RELN: variants seen among roughly 807,000 people sequenced by gnomAD.
RELN encodes reelin.
RELN carries 108 observed loss-of-function variants against 427.6 expected under a neutral mutation model. That is an observed-to-expected ratio of 0.25 (90% confidence interval 0.22 to 0.30). The LOEUF (loss-of-function observed/expected upper bound fraction) is 0.30. Among genes scored for constraint, RELN ranks in the 10% least tolerant of loss-of-function variants. The pLI, the probability that RELN is intolerant of heterozygous loss-of-function variation, is 1.00. For synonymous variants in RELN, 1,524 were observed against 1,513.4 expected, an observed-to-expected ratio of 1.01 and a Z score of -0.16; for missense variants, 3,715 against 4,302.8, an observed-to-expected ratio of 0.86 and a Z score of 3.82.
rs2117412664 is a variant in RELN, at chr7:103,661,402, C to T, written c.1415G>A (p.Gly472Glu). 1.9e-6 allele frequency: 3 copies of T among 1,613,890 alleles called. No individual in the cohort carries two copies. The highest frequency in any genetic ancestry group is 2.5e-6 in the Non-Finnish European group (3 of 1,179,900). ...CTPSMDTTGY[G>E]NLRFYFVMGG... ...CATCACAAAGTAAAACCTCAGGTTCCCATAACCGGTAGTGTCCATGGATGG... is the reference window on the plus strand; with the variant it reads ...CATCACAAAGTAAAACCTCAGGTTCTCATAACCGGTAGTGTCCATGGATGG... The change falls in exon 12 of 65, where the codon GGG (glycine) becomes GAG (glutamate). Residue 472 changes from glycine (G) to glutamate (E), a missense_variant. Gly to Glu is a moderately conservative substitution (Grantham distance 98, BLOSUM62 -2). Coordinates refer to ENST00000428762, the MANE Select transcript of RELN (RefSeq NM_005045.4).
chr7:103,892,862 T>C (rs1386165149), intron 2 of RELN, among the ~76,000 whole-genome samples: 1 of 152,164 alleles, frequency 6.6e-6, no homozygotes, highest in Non-Finnish European at 1.5e-5. Flanking sequence ...TCTTTCAGAA[T>C]ATACCTATGA....
In RELN at chr7:103,766,005, G is replaced by A. The variant is rs1345880886; in HGVS notation, c.544+10552C>T. Among the ~76,000 whole-genome samples, 13 of 152,326 alleles carry A rather than the reference G, an allele frequency of 8.5e-5. 1 individual carries two copies. The highest frequency in any genetic ancestry group is 2.6e-4 in the African/African-American group (11 of 41,578). On this transcript the variant is annotated intron_variant, in intron 4 of 64. Coordinates refer to ENST00000428762, the MANE Select transcript of RELN (RefSeq NM_005045.4). ...TAGCAAGAAATTTTACTATGGTCAT[G>A]TGAATCAGCTCTTTGTCATTCCCCT...
At chr7:103,888,837 G>A (rs941697803) in intron 2 of RELN, among the ~76,000 whole-genome samples, 3 of 152,098 alleles carry the variant, frequency 2.0e-5, no homozygotes, top group African/African-American at 7.2e-5. Context: ...ACAACACTGC[G>A]AGGCAGCACT....
intron 12 of RELN, among the ~76,000 whole-genome samples, chr7:103,658,894 G>A (rs1833078659): frequency 1.3e-5 from 2 of 151,342 alleles, no homozygotes; most frequent in South Asian, 4.2e-4. Context: ...CCTCCTGTAG[G>A]CTCCAATGAC....
At chr7:103,783,299 T>A (rs1791940812) in intron 3 of RELN, among the ~76,000 whole-genome samples, 1 of 151,832 alleles carries the variant, frequency 6.6e-6, no homozygotes, top group Non-Finnish European at 1.5e-5. Context: ...GCATTCTAAT[T>A]TGGGGATATA....
At chr7:103,805,577 G>A (rs1275109151) in intron 3 of RELN, among the ~76,000 whole-genome samples, 1 of 152,108 alleles carries the variant, frequency 6.6e-6, no homozygotes, top group Non-Finnish European at 1.5e-5. Context: ...AAATCCTCCT[G>A]AATCCTCCAG....
intron 10 of RELN, among the ~76,000 whole-genome samples, chr7:103,683,908 C>T (rs1188771511): frequency 6.6e-6 from 1 of 152,078 alleles, no homozygotes; most frequent in African/African-American, 2.4e-5. Flanking sequence ...TGCACAGAAC[C>T]CACACAGCTA....
intron 3 of RELN, among the ~76,000 whole-genome samples, chr7:103,785,054 G>T (rs1159198014): frequency 6.6e-6 from 1 of 152,106 alleles, no homozygotes; most frequent in Non-Finnish European, 1.5e-5. Flanking sequence ...ATTTATCTTG[G>T]AAATCAGTTA....
At position 103,934,216 on chromosome 7, in the gene RELN, T is replaced by C. The variant is rs180765112; in HGVS notation, c.227-17031A>G. ...AAATTTGATATTCACTCTGTGTATC[T>C]TTCCCACTGTGGTTGTTTCTACTTT... On this transcript the variant is annotated intron_variant, in intron 1 of 64. Coordinates refer to ENST00000428762, the MANE Select transcript of RELN (RefSeq NM_005045.4). Among the ~76,000 whole-genome samples the C allele has an allele frequency of 1.6e-3, 243 of 152,344 alleles. 1 individual carries two copies. The highest frequency in any genetic ancestry group is 5.5e-3 in the African/African-American group (229 of 41,586).
rs185057129 is a variant in RELN at position 103,791,748 on chromosome 7, T to A, written c.474-15121A>T. On this transcript the variant is annotated intron_variant, in intron 3 of 64. Transcript: ENST00000428762. Reference sequence around the variant, plus strand: ...ATAGAACTTTATCAAAATTAAAACCTTTGTGCAACAAAGGATACCATTTAA... The same window carrying A: ...ATAGAACTTTATCAAAATTAAAACCATTGTGCAACAAAGGATACCATTTAA... 1.4e-3 allele frequency among the ~76,000 whole-genome samples: 202 copies of A among 149,268 alleles called. 1 individual carries two copies. Among genetic ancestry groups the A allele is most frequent in the African/African-American group, 4.8e-3 (195 of 40,286 alleles).
At position 103,561,624 on chromosome 7, in the gene RELN, G is replaced by A. The variant is rs1830643479; in HGVS notation, c.5437C>T (p.His1813Tyr). The A allele has an allele frequency of 6.2e-7, 1 of 1,613,790 alleles. No homozygotes were observed. The highest frequency in any genetic ancestry group is 1.3e-5 in the African/African-American group (1 of 74,880). ...ILKDDFNGNLHPDLWPEVYGA... is the reference protein window; with the variant it reads ...ILKDDFNGNLYPDLWPEVYGA... ...TACACTTCAGGCCAAAGGTCAGGAT[G>A]TAAATTCCCATTGAAATCGTCTTTA... Residue 1813 changes from histidine to tyrosine, a missense_variant, in exon 36 of 65, where the codon CAT becomes TAT. Transcript: ENST00000428762.
chr7:103,947,459 A>T (rs1796243344), intron 1 of RELN, among the ~76,000 whole-genome samples: 1 of 152,208 alleles, frequency 6.6e-6, no homozygotes, highest in Admixed American at 6.5e-5. Flanking sequence ...AATGACAGAC[A>T]TGCATAAAAG....
intron 2 of RELN, among the ~76,000 whole-genome samples, chr7:103,912,610 C>G (rs1795394952): frequency 6.6e-6 from 1 of 151,994 alleles, no homozygotes; most frequent in Non-Finnish European, 1.5e-5. Context: ...GATGTATTAG[C>G]TGAGCAAGAT....
chr7:103,661,708 T>C (rs966410891), intron 11 of RELN, among the ~76,000 whole-genome samples, 181 bp from the exon 12 acceptor site: 1 of 152,218 alleles, frequency 6.6e-6, no homozygotes, highest in Non-Finnish European at 1.5e-5. Context: ...AGGTAGTGAA[T>C]ACACTTTAAA....
chr7:103,561,617 T>A lies in RELN; in HGVS notation c.5444A>T (p.Asp1815Val). Residue 1815 changes from aspartate to valine, a missense_variant, in exon 36 of 65, where the codon GAC (aspartate) becomes GTC (valine). By Grantham distance (152) the Asp-to-Val change is radical. Coordinates refer to ENST00000428762, the MANE Select transcript of RELN (RefSeq NM_005045.4). ...TGCACCATACACTTCAGGCCAAAGGTCAGGATGTAAATTCCCATTGAAATC... is the reference window on the plus strand; with the variant it reads ...TGCACCATACACTTCAGGCCAAAGGACAGGATGTAAATTCCCATTGAAATC... ...KDDFNGNLHPDLWPEVYGAER... is the reference protein window; with the variant it reads ...KDDFNGNLHPVLWPEVYGAER... 5.6e-6 allele frequency: 9 copies of A among 1,613,730 alleles called. No individual in the cohort carries two copies. Among genetic ancestry groups the A allele is most frequent in the Non-Finnish European group, 7.6e-6 (9 of 1,179,806 alleles).
chr7:103,901,173 T>C (rs1418858786), intron 2 of RELN, among the ~76,000 whole-genome samples: 1 of 152,044 alleles, frequency 6.6e-6, no homozygotes, highest in Non-Finnish European at 1.5e-5. Context: ...TCATTAATCA[T>C]TAGGGAATTG....
intron 57 of RELN, among the ~76,000 whole-genome samples, chr7:103,492,466 T>G (rs2117008773): frequency 6.6e-6 from 1 of 152,328 alleles, no homozygotes; most frequent in South Asian, 2.1e-4. Context: ...TTCTTGGGGT[T>G]TTCTGTATTT....
At position 103,545,300 on chromosome 7, in the gene RELN, G is replaced by A. The variant is rs1238847930; in HGVS notation, c.6347C>T (p.Ser2116Phe). ...ATCAATGGCCCATGTCACTGGCTGA[G>A]AGCCGGCAGGGTAAAATCCCTGGTA... Reference protein sequence around the residue: ...RWYQGFYPAGSQPVTWAIDNV... With the variant: ...RWYQGFYPAGFQPVTWAIDNV... Residue 2116 changes from serine to phenylalanine, a missense_variant, in exon 42 of 65, where the codon TCT becomes TTT. Transcript: ENST00000428762. The A allele has an allele frequency of 1.2e-6, 2 of 1,614,146 alleles. No individual in the cohort carries two copies. The highest frequency in any genetic ancestry group is 1.6e-4 in the Middle Eastern group (1 of 6,062).
At chr7:103,745,922 A>C (rs1790812027) in intron 6 of RELN, among the ~76,000 whole-genome samples, 1 of 152,214 alleles carries the variant, frequency 6.6e-6, no homozygotes, top group South Asian at 2.1e-4. Context: ...ACTACTTTAA[A>C]GTTCATATGG....
Sources: gnomAD v4.1 joint callset for allele counts (sites outside exome capture counted in the v4.1 genomes callset) on GRCh38, gnomAD v4.1.1 for gene constraint, MANE v1.5 for transcripts, NCBI Gene and HGNC (gene_info 2026-07-23, HGNC 2026-07-21) for gene names.